The following UNC5B variants were observed in gnomAD, a reference collection of about 807,000 sequenced individuals.
The protein encoded by UNC5B is unc-5 netrin receptor B.
UNC5B carries 56 observed loss-of-function variants against 103.7 expected under a neutral mutation model. That is an observed-to-expected ratio of 0.54 (90% CI 0.44 to 0.67). The LOEUF is 0.67. UNC5B is among the 30% of genes least tolerant of loss of function. The pLI is 0.00. For synonymous variants in UNC5B, 577 were observed against 542.0 expected, an observed-to-expected ratio of 1.06 and a Z score of -0.90; for missense variants, 1,194 against 1,284.5, an observed-to-expected ratio of 0.93 and a Z score of 1.08.
At chr10:71,279,682 A>G in intron 1 of UNC5B, 139 bp from the exon 2 acceptor site, 1 of 850,894 alleles carries the variant, frequency 1.2e-6, no homozygotes, top group Non-Finnish European at 1.8e-6. Context: ...GTTGCAGATT[A>G]CGTCCCCAGG....
intron 1 of UNC5B, among the ~76,000 whole-genome samples, chr10:71,268,991 GCCCTCAC>G (rs1367748203): frequency 6.6e-6 from 1 of 152,206 alleles, no homozygotes; most frequent in Non-Finnish European, 1.5e-5. Context: ...AGCCCAGCTG[GCCCTCAC>G]CCGTCTGACA....
chr10:71,289,969 A>T (rs1845203314), intron 8 of UNC5B, among the ~76,000 whole-genome samples: 1 of 152,200 alleles, frequency 6.6e-6, no homozygotes, highest in Non-Finnish European at 1.5e-5. Context: ...CCCAGGGAGG[A>T]AGTGCGTGGA....
intron 1 of UNC5B, among the ~76,000 whole-genome samples, chr10:71,269,353 A>T (rs201151587): frequency 2.4e-5 from 1 of 41,690 alleles, no homozygotes; most frequent in Non-Finnish European, 6.6e-5. Context: ...TCCCCCCCCC[A>T]CAACTTCTCC....
chr10:71,291,416 G>T lies in UNC5B; in HGVS notation c.1295-16G>T. 4 of 1,581,260 alleles carry T rather than the reference G, an allele frequency of 2.5e-6. No individual in the cohort carries two copies. Among genetic ancestry groups the T allele is most frequent in the Non-Finnish European group, 3.4e-6 (4 of 1,163,272 alleles). On this transcript the variant is annotated splice_polypyrimidine_tract_variant and intron_variant, in intron 9 of 16. Transcript: ENST00000335350. ...TGAGGCACAGCTGGGTCTGACTATA[G>T]CCCCTACTCCTGCAGGCAACCCGCA...
chr10:71,225,465 C>T (rs534421964), intron 1 of UNC5B, among the ~76,000 whole-genome samples: 1 of 152,286 alleles, frequency 6.6e-6, no homozygotes, highest in African/African-American at 2.4e-5. Flanking sequence ...CATCTTTGTG[C>T]CCCCATACCC....
chr10:71,278,822 A>G (rs993316154), intron 1 of UNC5B, among the ~76,000 whole-genome samples: 2 of 152,260 alleles, frequency 1.3e-5, no homozygotes, highest in Admixed American at 1.3e-4. Flanking sequence ...AGTTAGCAGA[A>G]GAGGACAAGC....
chr10:71,288,767 G>C, intron 7 of UNC5B, 35 bp downstream of exon 7: 2 of 1,572,614 alleles, frequency 1.3e-6, no homozygotes, highest in Non-Finnish European at 1.7e-6. Context: ...CTGGGGGTGG[G>C]GACTCTGGAG....
At chr10:71,285,747 C>G (rs944041643) in intron 4 of UNC5B, among the ~76,000 whole-genome samples, 2 of 152,296 alleles carry the variant, frequency 1.3e-5, no homozygotes, top group African/African-American at 2.4e-5. Flanking sequence ...ACCCAAGGCC[C>G]CAGCTTTCTG....
At chr10:71,220,629 A>T (rs1843434733) in intron 1 of UNC5B, among the ~76,000 whole-genome samples, 1 of 152,156 alleles carries the variant, frequency 6.6e-6, no homozygotes, top group South Asian at 2.1e-4. Context: ...CTCATCTGTA[A>T]AATGGGGGTA....
At chr10:71,267,260 C>G (rs912849803) in intron 1 of UNC5B, among the ~76,000 whole-genome samples, 1 of 152,148 alleles carries the variant, frequency 6.6e-6, no homozygotes, top group African/African-American at 2.4e-5. Context: ...AGTGGCTGCC[C>G]AGGGGTTGTC....
At chr10:71,228,564 C>T (rs1357549749) in intron 1 of UNC5B, among the ~76,000 whole-genome samples, 2 of 152,172 alleles carry the variant, frequency 1.3e-5, no homozygotes, top group Admixed American at 6.5e-5. Context: ...GAAAAAGACA[C>T]GGACAGACAA....
rs547406049 is a variant in UNC5B, at chr10:71,246,113, C to T, written c.79+33049C>T. On this transcript the variant is annotated intron_variant, in intron 1 of 16. Transcript: ENST00000335350. ...GCTTAGCTGGGAAACAAGACTCCCG[C>T]CTGTGGAAGCCTAAGGAGAAACCAG... is the stretch of plus-strand genomic sequence containing the variant. Among the ~76,000 whole-genome samples, 6 of 152,180 alleles carry T rather than the reference C, an allele frequency of 3.9e-5. No homozygotes were observed. The South Asian group carries it at 1.2e-3, about 32-fold the overall frequency.
chr10:71,288,061 C>T (rs528941001), intron 6 of UNC5B, among the ~76,000 whole-genome samples: 16 of 152,316 alleles, frequency 1.1e-4, no homozygotes, highest in African/African-American at 3.6e-4. Context: ...GCATGTCAGC[C>T]CCAGGCCAAG....
intron 16 of UNC5B, among the ~76,000 whole-genome samples, 194 bp from the exon 17 acceptor site, chr10:71,298,918 A>G (rs1845515665): frequency 6.6e-6 from 1 of 152,100 alleles, no homozygotes; most frequent in Admixed American, 6.5e-5. Context: ...AGACAAGGAG[A>G]CTGAGATTCT....
chr10:71,244,563 C>T (rs1039452845), intron 1 of UNC5B, among the ~76,000 whole-genome samples: 2 of 152,198 alleles, frequency 1.3e-5, no homozygotes, highest in Non-Finnish European at 2.9e-5. Flanking sequence ...TGCCCCTACT[C>T]AGGCCCCTGC....
At chr10:71,229,605 G>A (rs1292726977) in intron 1 of UNC5B, among the ~76,000 whole-genome samples, 1 of 152,148 alleles carries the variant, frequency 6.6e-6, no homozygotes, top group Non-Finnish European at 1.5e-5. Context: ...GCGCTTGCCC[G>A]AGCTCCCGGA....
At chr10:71,223,104 A>G (rs1334288334) in intron 1 of UNC5B, among the ~76,000 whole-genome samples, 2 of 152,112 alleles carry the variant, frequency 1.3e-5, no homozygotes, top group Non-Finnish European at 2.9e-5. Context: ...TCACCAAGCC[A>G]GGGCTCCAGG....
intron 5 of UNC5B, among the ~76,000 whole-genome samples, chr10:71,287,239 C>A (rs967081337): frequency 6.6e-6 from 1 of 152,186 alleles, no homozygotes; most frequent in Non-Finnish European, 1.5e-5. Context: ...AGTGGAGCCA[C>A]AGCTGAGGTG....
In UNC5B at chr10:71,227,707, TACACACAC is replaced by T. The variant is rs57747777; in HGVS notation, c.79+14675_79+14682del. Among the ~76,000 whole-genome samples the T allele has an allele frequency of 7.5e-4, 96 of 128,078 alleles. 1 individual carries two copies. The highest frequency in any genetic ancestry group is 3.3e-3 in the East Asian group (15 of 4,552). 84.0% of individuals were successfully genotyped at this position (128,078 alleles called of 152,430 possible). A position where few individuals can be genotyped will look rare whatever the true frequency, so the allele number is the denominator to read the frequency against. The stretch of plus-strand genomic sequence containing the variant: ...ATATACACATATATATACACACATA[TACACACAC>T]ACACACACACACACACACACACACA... On this transcript the variant is annotated intron_variant, in intron 1 of 16. Coordinates refer to ENST00000335350, the MANE Select transcript of UNC5B (RefSeq NM_170744.5).
Sources: gnomAD v4.1 joint callset for allele counts (sites outside exome capture counted in the v4.1 genomes callset) on GRCh38, gnomAD v4.1.1 for gene constraint, MANE v1.5 for transcripts, NCBI Gene and HGNC (gene_info 2026-07-23, HGNC 2026-07-21) for gene names.